THBS2: variants seen among roughly 807,000 people sequenced by gnomAD.
The protein encoded by THBS2 is thrombospondin-2.
Under a neutral mutation model 135.2 loss-of-function variants are expected in THBS2, and 47 were observed. The ratio of observed to expected loss-of-function variants is 0.35; its 90% CI spans 0.28 to 0.44. The LOEUF (loss-of-function observed/expected upper bound fraction) is 0.44. Ranked by LOEUF, THBS2 falls within the 20% of genes least tolerant of loss-of-function variation. The pLI is 1.00. For synonymous variants in THBS2, 639 were observed against 633.8 expected (o/e 1.01, Z -0.12); for missense variants, 1,288 against 1,603.1 (o/e 0.80, Z 3.36).
At position 169,237,323 on chromosome 6, in the gene THBS2, G is replaced by A; in HGVS notation, c.1324C>T (p.His442Tyr). 1 of 1,613,252 alleles carries A rather than the reference G, an allele frequency of 6.2e-7. No individual in the cohort carries two copies. The change falls in exon 9 of 22, where the codon CAC becomes TAC. Residue 442 changes from histidine to tyrosine, a missense_variant. Coordinates refer to ENST00000617924, the MANE Select transcript of THBS2 (RefSeq NM_003247.5). The stretch of plus-strand genomic sequence containing the variant: ...GAGCATGAAGACCAAGGTGACCAGT[G>A]GCTCCAGCCGCCGTCCTGCCGGACT... ...TRIRQDGGWS[H>Y]WSPWSSCSVT...
At chr6:169,245,536 T>G (rs1391426609) in intron 4 of THBS2, among the ~76,000 whole-genome samples, 1 of 152,176 alleles carries the variant, frequency 6.6e-6, no homozygotes, top group Non-Finnish European at 1.5e-5. Flanking sequence ...CTCACACCTG[T>G]AATCCCAGCA....
intron 15 of THBS2, among the ~76,000 whole-genome samples, chr6:169,227,205 C>A (rs6931864): frequency 6.6e-6 from 1 of 151,980 alleles, no homozygotes; most frequent in East Asian, 1.9e-4. Context: ...GGAAGAGGAC[C>A]CCACGAGGCG....
intron 20 of THBS2, among the ~76,000 whole-genome samples, chr6:169,220,755 CACCA>C (rs1229711863): frequency 6.6e-6 from 1 of 152,168 alleles, no homozygotes; most frequent in African/African-American, 2.4e-5. Flanking sequence ...GGACTGGATA[CACCA>C]AGCCCCCGAC....
In THBS2 at chr6:169,225,352, C is replaced by G; in HGVS notation, c.2566G>C (p.Asp856His). ...ATGTCCTCGTTGTTGTCACACTGGT[C>G]CCCAACAAGGTCATTGTCCACGTCG... Reference protein sequence around the residue: ...QTDVDNDLVGDQCDNNEDIDD... With the variant: ...QTDVDNDLVGHQCDNNEDIDD... The change falls in exon 17 of 22, where the codon GAC becomes CAC. Residue 856 changes from aspartate (D) to histidine (H), a missense_variant. This residue lies in a region of THBS2 where 874 missense variants were observed against 1,156.1 expected (regional missense o/e 0.76). Coordinates refer to ENST00000617924, the MANE Select transcript of THBS2 (RefSeq NM_003247.5). 2 of 1,559,122 alleles carry G rather than the reference C, an allele frequency of 1.3e-6. No individual in the cohort carries two copies. The highest frequency in any genetic ancestry group is 1.7e-6 in the Non-Finnish European group (2 of 1,151,136).
intron 15 of THBS2, among the ~76,000 whole-genome samples, chr6:169,226,861 G>C (rs889221750): frequency 6.6e-6 from 1 of 152,212 alleles, no homozygotes; most frequent in Admixed American, 6.5e-5. Flanking sequence ...ACACGGCAGC[G>C]AGTCCACAGG....
At chr6:169,231,740 C>G (rs1779841353) in intron 13 of THBS2, among the ~76,000 whole-genome samples, 1 of 152,214 alleles carries the variant, frequency 6.6e-6, no homozygotes, top group South Asian at 2.1e-4. Context: ...TATGGGCCGA[C>G]GTGCCCGAGG....
At chr6:169,227,172 A>T (rs6940324) in intron 15 of THBS2, among the ~76,000 whole-genome samples, 4 of 151,894 alleles carry the variant, frequency 2.6e-5, no homozygotes, top group South Asian at 2.1e-4. Context: ...TGGCTCAGAA[A>T]GGGGGTGGCT....
chr6:169,232,000 C>T lies in THBS2; in HGVS notation c.2131G>A (p.Ala711Thr), dbSNP rs1251018398. Residue 711 changes from alanine to threonine, a missense_variant, in exon 13 of 22, where the codon GCC (alanine) becomes ACC (threonine). Around this residue, in one of 2 missense-constraint regions of THBS2, gnomAD observed 874 missense variants for 1,156.1 expected, o/e 0.76. Transcript: ENST00000617924. Reference sequence around the variant, plus strand: ...CTCACCTTGATGCAGTGGTAGGTGGCGTTGGTGGCGCAGACCAGATTGAGG... The same window carrying T: ...CTCACCTTGATGCAGTGGTAGGTGGTGTTGGTGGCGCAGACCAGATTGAGG... ...PNLNLVCATN[A>T]TYHCIKDNCP... 6.2e-7 allele frequency: 1 copy of T among 1,613,768 alleles called. No homozygotes were observed. The highest frequency in any genetic ancestry group is 8.5e-7 in the Non-Finnish European group (1 of 1,179,922).
At chr6:169,222,175 G>C in intron 19 of THBS2, 22 bp downstream of exon 19, 1 of 1,578,416 alleles carries the variant, frequency 6.3e-7, no homozygotes. Flanking sequence ...GGAGATGTGT[G>C]GGCCTGGCCA....
At chr6:169,219,960 C>T in intron 21 of THBS2, 2 of 616,270 alleles carry the variant, frequency 3.2e-6, no homozygotes, top group Non-Finnish European at 5.8e-6. Context: ...TGGGTGGGAC[C>T]TGTAAATAAT....
In THBS2 at chr6:169,248,889, C is replaced by T. The variant is rs190983506; in HGVS notation, c.137G>A (p.Arg46His). 1.7e-5 allele frequency: 27 copies of T among 1,613,234 alleles called. No homozygotes were observed. In the East Asian group the frequency reaches 2.5e-4, roughly 15 times the overall value. ...NRKTIGAKQFRGPDPGVPAYR... is the reference protein window; with the variant it reads ...NRKTIGAKQFHGPDPGVPAYR... Reference sequence around the variant, plus strand: ...AGCCGGCACGCCGGGGTCGGGCCCGCGGAACTGCTTGGCGCCAATGGTCTT... The same window carrying T: ...AGCCGGCACGCCGGGGTCGGGCCCGTGGAACTGCTTGGCGCCAATGGTCTT... The change falls in exon 3 of 22, where the codon CGC becomes CAC. Residue 46 changes from arginine to histidine, a missense_variant. Coordinates refer to ENST00000617924, the MANE Select transcript of THBS2 (RefSeq NM_003247.5).
intron 10 of THBS2, 119 bp downstream of exon 10, chr6:169,234,615 T>A: frequency 9.7e-7 from 1 of 1,036,094 alleles, no homozygotes; most frequent in Non-Finnish European, 1.3e-6. Context: ...TATCTTTGCG[T>A]GTGCAACTAA....
chr6:169,227,948 G>A (rs1351753305), intron 15 of THBS2, among the ~76,000 whole-genome samples, 174 bp downstream of exon 15: 1 of 152,158 alleles, frequency 6.6e-6, no homozygotes, highest in Non-Finnish European at 1.5e-5. Context: ...AGGCGTGGTG[G>A]TGTGCACCTG....
intron 4 of THBS2, among the ~76,000 whole-genome samples, chr6:169,243,460 GAC>G (rs1780445890): frequency 6.6e-6 from 1 of 152,186 alleles, no homozygotes. Context: ...ACTTCTCTCG[GAC>G]AGTCCATTAT....
rs570363555 is a variant in THBS2, at chr6:169,218,231, G to A, written c.3512-402C>T. On this transcript the variant is annotated intron_variant, in intron 21 of 21. Transcript: ENST00000617924. Reference sequence around the variant, plus strand: ...GGGTGGATGGATGATGAGATGGTTGGGTGGCTGGATGAGATGGATGGATGG... The same window carrying A: ...GGGTGGATGGATGATGAGATGGTTGAGTGGCTGGATGAGATGGATGGATGG... Among the ~76,000 whole-genome samples the A allele has an allele frequency of 1.1e-4, 16 of 148,960 alleles. No individual in the cohort carries two copies. The East Asian group carries it at 2.7e-3, about 25-fold the overall frequency.
At chr6:169,219,072 G>A (rs1450592216) in intron 21 of THBS2, among the ~76,000 whole-genome samples, 1 of 151,064 alleles carries the variant, frequency 6.6e-6, no homozygotes, top group Non-Finnish European at 1.5e-5. Context: ...ATGGATGGAT[G>A]AGATGGATGT....
intron 8 of THBS2, 122 bp downstream of exon 8, chr6:169,237,503 G>C: frequency 6.6e-7 from 1 of 1,522,972 alleles, no homozygotes; most frequent in Non-Finnish European, 8.9e-7. Flanking sequence ...CACCTGGCTA[G>C]AATCCTTGCA....
intron 3 of THBS2, 28 bp from the exon 4 acceptor site, chr6:169,246,309 G>C (rs1352640390): frequency 6.4e-7 from 1 of 1,574,704 alleles, no homozygotes. Context: ...CAGAAAAATA[G>C]AGCAACAGAT....
At chr6:169,242,925 C>CTCCCACCT (rs769519611) in intron 4 of THBS2, among the ~76,000 whole-genome samples, 1 of 29,770 alleles carries the variant, frequency 3.4e-5, no homozygotes, top group Non-Finnish European at 5.8e-5. Flanking sequence ...CTTCCCACCA[C>CTCCCACCT]TCCCACCTTC....
Sources: allele counts gnomAD v4.1 joint callset (sites outside exome capture counted in the v4.1 genomes callset), GRCh38; gene constraint gnomAD v4.1.1; regional missense constraint gnomAD v4.1.1; transcripts MANE v1.5; gene names NCBI Gene and HGNC (gene_info 2026-07-23, HGNC 2026-07-21).